ARHGEF3: variants seen among roughly 807,000 people sequenced by gnomAD.
The protein encoded by ARHGEF3 is Rho guanine nucleotide exchange factor 3, also known as 59.8 kDA protein.
ARHGEF3 carries 28 observed loss-of-function variants against 63.2 expected under a neutral mutation model. The ratio of observed to expected loss-of-function variants is 0.44; its 90% CI spans 0.33 to 0.61. The LOEUF (loss-of-function observed/expected upper bound fraction) is 0.61. ARHGEF3 is among the 20% of genes least tolerant of loss of function. The pLI, the probability that ARHGEF3 is intolerant of heterozygous loss-of-function variation, is 0.03. For missense variants in ARHGEF3, 533 were observed against 659.3 expected, an observed-to-expected ratio of 0.81 and a Z score of 2.10; for synonymous variants, 266 against 254.2, an observed-to-expected ratio of 1.05 and a Z score of -0.44.
intron 6 of ARHGEF3, 132 bp from the exon 7 acceptor site, chr3:56,745,594 A>T (rs1450105804): frequency 2.8e-6 from 3 of 1,054,978 alleles, no homozygotes; most frequent in Non-Finnish European, 4.0e-6. Flanking sequence ...CTTTATCTGC[A>T]TGGCTGGAGG....
chr3:56,749,604 C>T lies in ARHGEF3; in HGVS notation c.612+1452G>A, dbSNP rs149034376. ...TACCTTCTTTGTCTCTGTCTGTCTCCGGTTGGCTGGCTCTCTTTGGAGAAA... is the reference window on the plus strand; with the variant it reads ...TACCTTCTTTGTCTCTGTCTGTCTCTGGTTGGCTGGCTCTCTTTGGAGAAA... On this transcript the variant is annotated intron_variant, in intron 6 of 9. Coordinates refer to ENST00000296315, the MANE Select transcript of ARHGEF3 (RefSeq NM_019555.3). Among the ~76,000 whole-genome samples, 710 of 152,266 alleles carry T rather than the reference C, an allele frequency of 4.7e-3. 6 individuals carry two copies. The highest frequency in any genetic ancestry group is 0.016 in the African/African-American group (667 of 41,550).
At chr3:56,806,374 T>C (rs1484640668), upstream of ARHGEF3, among the ~76,000 whole-genome samples, 7 of 152,238 alleles carry the variant, frequency 4.6e-5, no homozygotes, top group African/African-American at 1.4e-4. Context: ...GAGCTCCCCA[T>C]TCTGCCTGTG....
intron 8 of ARHGEF3, among the ~76,000 whole-genome samples, chr3:56,735,009 C>T (rs1264820201): frequency 1.3e-5 from 2 of 152,136 alleles, no homozygotes; most frequent in African/African-American, 4.8e-5. Flanking sequence ...CTCAGCCAGG[C>T]ACGGTGGCTC....
intron 1 of ARHGEF3, among the ~76,000 whole-genome samples, chr3:56,792,614 A>G (rs898907615): frequency 1.3e-5 from 2 of 152,214 alleles, no homozygotes; most frequent in African/African-American, 4.8e-5. Context: ...GGACAATTAT[A>G]TACTCAAGTA....
At position 57,051,421 on chromosome 3, in the gene ARHGEF3, A is replaced by G. The variant is rs192073875; in HGVS notation, c.-27-16245T>C. ...AGAATGGCTTGAACCCGTGAGGCGG[A>G]GTTTGAAGTGAGCCAAGATTGCGCC... is the stretch of plus-strand genomic sequence containing the variant. On this transcript the variant is annotated intron_variant, in intron 1 of 12. Coordinates refer to the ARHGEF3 transcript ENST00000338458. Among the ~76,000 whole-genome samples the G allele has an allele frequency of 5.1e-4, 77 of 151,878 alleles. 1 individual carries two copies. Among genetic ancestry groups the G allele is most frequent in the African/African-American group, 1.6e-3 (65 of 41,398 alleles).
At chr3:56,791,728 G>A (rs926086248) in intron 1 of ARHGEF3, among the ~76,000 whole-genome samples, 2 of 151,932 alleles carry the variant, frequency 1.3e-5, no homozygotes, top group Non-Finnish European at 2.9e-5. Flanking sequence ...ACCAACATTT[G>A]GGCCCTGCCT....
intron 3 of ARHGEF3, among the ~76,000 whole-genome samples, chr3:56,935,079 G>A (rs1294550211): frequency 6.6e-6 from 1 of 152,124 alleles, no homozygotes; most frequent in Non-Finnish European, 1.5e-5. Flanking sequence ...GAACCTTTAT[G>A]TCTAGCTCAG....
chr3:57,042,665 TATATATATATATATATATATATATA>T (rs1704240684), intron 1 of ARHGEF3, among the ~76,000 whole-genome samples: 16 of 6,684 alleles, frequency 2.4e-3, no homozygotes, highest in East Asian at 0.011. Flanking sequence ...TATATATATA[TATATATATATATATATATATATATA>T]TATATATATA....
intron 4 of ARHGEF3, among the ~76,000 whole-genome samples, chr3:56,871,906 C>T (rs892933534): frequency 6.6e-6 from 1 of 152,138 alleles, no homozygotes; most frequent in East Asian, 1.9e-4. Flanking sequence ...ATCACAGAAG[C>T]GTTCTCAGAC....
chr3:56,999,930 A>G (rs1041767010), intron 2 of ARHGEF3, among the ~76,000 whole-genome samples: 2 of 152,196 alleles, frequency 1.3e-5, no homozygotes, highest in African/African-American at 2.4e-5. Flanking sequence ...TGCTTAAACC[A>G]TAGGAAACAA....
intron 4 of ARHGEF3, among the ~76,000 whole-genome samples, chr3:56,813,131 T>C (rs1055731645): frequency 6.6e-6 from 1 of 151,920 alleles, no homozygotes; most frequent in African/African-American, 2.4e-5. Context: ...AATGAAAGAG[T>C]GCCCTGCAGG....
intron 2 of ARHGEF3, among the ~76,000 whole-genome samples, chr3:57,018,281 A>C (rs1357106443): frequency 7.4e-5 from 5 of 67,498 alleles, no homozygotes; most frequent in South Asian, 3.6e-4. Flanking sequence ...TCTGTCACAA[A>C]AAAAAAAAAA....
intron 2 of ARHGEF3, among the ~76,000 whole-genome samples, chr3:56,967,863 C>T (rs374042057): frequency 3.1e-4 from 22 of 70,932 alleles, no homozygotes; most frequent in Admixed American, 1.4e-3. Context: ...TATATAATGA[C>T]ATATATAATA....
chr3:57,011,663 T>C (rs904663252), intron 2 of ARHGEF3, among the ~76,000 whole-genome samples: 1 of 152,160 alleles, frequency 6.6e-6, no homozygotes. Context: ...GCAGCAGGTA[T>C]GGATTTGACA....
At chr3:56,819,372 C>A (rs1410034939) in intron 4 of ARHGEF3, among the ~76,000 whole-genome samples, 3 of 152,208 alleles carry the variant, frequency 2.0e-5, no homozygotes, top group Non-Finnish European at 2.9e-5. Context: ...AAATACCATT[C>A]ATTATTCAAG....
intron 1 of ARHGEF3, among the ~76,000 whole-genome samples, chr3:57,078,353 T>C (rs1267218538): frequency 6.6e-6 from 1 of 152,202 alleles, no homozygotes; most frequent in East Asian, 1.9e-4. Flanking sequence ...CCTCGCCCAG[T>C]GCGGGAAGCA....
At chr3:57,041,432 A>T (rs910326466) in intron 1 of ARHGEF3, among the ~76,000 whole-genome samples, 34 of 152,214 alleles carry the variant, frequency 2.2e-4, no homozygotes, top group African/African-American at 8.0e-4. Context: ...CTGATTCCAG[A>T]GCCCATGCTC....
At chr3:56,817,938 T>C (rs2038332150) in intron 4 of ARHGEF3, among the ~76,000 whole-genome samples, 2 of 152,356 alleles carry the variant, frequency 1.3e-5, no homozygotes, top group African/African-American at 4.8e-5. Flanking sequence ...CCTTGGGTTT[T>C]GGTCCCTGTT....
intron 4 of ARHGEF3, among the ~76,000 whole-genome samples, chr3:56,866,103 T>C (rs975378468): frequency 5.9e-5 from 9 of 152,166 alleles, no homozygotes; most frequent in African/African-American, 2.2e-4. Context: ...AGGTCAAGGC[T>C]GAGGTGAGCT....
Sources: allele counts gnomAD v4.1 joint callset (sites outside exome capture counted in the v4.1 genomes callset), GRCh38; gene constraint gnomAD v4.1.1; transcripts MANE v1.5; gene names NCBI Gene and HGNC (gene_info 2026-07-23, HGNC 2026-07-21).